Variants in PPP3CC observed in about 807,000 individuals in gnomAD.
PPP3CC encodes serine/threonine-protein phosphatase 2B catalytic subunit gamma isoform.
In PPP3CC, 35 loss-of-function variants were observed where a neutral mutation model predicts 60.3. That is an observed-to-expected ratio of 0.58 (90% CI 0.44 to 0.77). PPP3CC has a LOEUF of 0.77. Ranked by LOEUF, PPP3CC falls within the 30% of genes least tolerant of loss-of-function variation. The probability of loss-of-function intolerance (pLI) is 0.00; values close to 1 mark genes in which losing one functional copy is unlikely to be tolerated. For synonymous variants in PPP3CC, 206 were observed against 224.3 expected, an observed-to-expected ratio of 0.92 and a Z score of 0.73; for missense variants, 570 against 628.9, an observed-to-expected ratio of 0.91 and a Z score of 1.00.
intron 12 of PPP3CC, among the ~76,000 whole-genome samples, chr8:22,536,818 C>A (rs1470875138): frequency 6.6e-6 from 1 of 152,226 alleles, no homozygotes; most frequent in Non-Finnish European, 1.5e-5. Context: ...TTTCAACCAA[C>A]AGTATCCCAT....
intron 12 of PPP3CC, among the ~76,000 whole-genome samples, chr8:22,536,489 C>T (rs1839847348): frequency 6.6e-6 from 1 of 152,210 alleles, no homozygotes; most frequent in East Asian, 1.9e-4. Flanking sequence ...AATTATATAG[C>T]TATGTTATTT....
chr8:22,468,537 G>GT lies in PPP3CC; in HGVS notation c.50-6407dup, dbSNP rs948319791. ...TTCATTTAGGAAAGAAGATTCATGA[G>GT]TTTTTTTTTTAATCAGCTGGCAAAT... On this transcript the variant is annotated intron_variant, in intron 1 of 13. Transcript: ENST00000240139. Among the ~76,000 whole-genome samples the GT allele has an allele frequency of 4.4e-3, 655 of 148,876 alleles. 2 individuals carry two copies. Among genetic ancestry groups the GT allele is most frequent in the African/African-American group, 0.015 (609 of 40,702 alleles).
In PPP3CC at chr8:22,511,303, G is replaced by T. The variant is rs559752332; in HGVS notation, c.630+72G>T. The T allele has an allele frequency of 2.4e-5, 36 of 1,473,674 alleles. No homozygotes were observed. In the Admixed American group the frequency reaches 6.6e-4, roughly 27 times the overall value. The allele number at this position is 1,473,674 out of a possible 1,614,324, so 91.3% of individuals were successfully genotyped here. A position where few individuals can be genotyped will look rare whatever the true frequency, so the allele number is the denominator to read the frequency against. ...TTGGGTTTTTTTGTTGTTGTTGTTT[G>T]CTTTGAGACAGAGTCTCTCTCTTTC... On this transcript the variant is annotated intron_variant, in intron 5 of 13. Coordinates refer to ENST00000240139, the MANE Select transcript of PPP3CC (RefSeq NM_005605.5).
chr8:22,481,971 T>C (rs978475467), intron 3 of PPP3CC, among the ~76,000 whole-genome samples: 7 of 152,232 alleles, frequency 4.6e-5, no homozygotes, highest in African/African-American at 1.7e-4. Flanking sequence ...TCTTTACTAT[T>C]GTGAATAGTG....
intron 9 of PPP3CC, 117 bp downstream of exon 9, chr8:22,527,634 GA>G (rs1272721760): frequency 8.3e-7 from 1 of 1,208,906 alleles, no homozygotes; most frequent in Non-Finnish European, 1.1e-6. Flanking sequence ...TCTCTACATA[GA>G]TTTTTTTTTT....
intron 13 of PPP3CC, among the ~76,000 whole-genome samples, chr8:22,539,729 C>A (rs1185157591): frequency 6.6e-6 from 1 of 152,140 alleles, no homozygotes; most frequent in African/African-American, 2.4e-5. Context: ...TGGGCTCTAT[C>A]AGCTTTAATG....
chr8:22,489,207 A>G (rs1393071743), intron 3 of PPP3CC, among the ~76,000 whole-genome samples: 2 of 152,152 alleles, frequency 1.3e-5, no homozygotes, highest in Non-Finnish European at 2.9e-5. Context: ...TAGATTAGGC[A>G]TACTGAGAAA....
intron 3 of PPP3CC, among the ~76,000 whole-genome samples, chr8:22,486,317 C>T (rs778120610): frequency 9.2e-5 from 14 of 152,042 alleles, no homozygotes; most frequent in Admixed American, 4.6e-4. Context: ...GCCCTTATCC[C>T]AGCCCCAGGG....
intron 3 of PPP3CC, among the ~76,000 whole-genome samples, chr8:22,478,828 T>C (rs1197259851): frequency 6.6e-6 from 1 of 152,238 alleles, no homozygotes; most frequent in Non-Finnish European, 1.5e-5. Flanking sequence ...GCACAGTGCC[T>C]AACACATAGT....
intron 10 of PPP3CC, among the ~76,000 whole-genome samples, chr8:22,529,224 G>A (rs1839639366): frequency 6.6e-6 from 1 of 152,148 alleles, no homozygotes; most frequent in East Asian, 1.9e-4. Context: ...TTGAATATCT[G>A]TGTCAATTAG....
intron 3 of PPP3CC, among the ~76,000 whole-genome samples, chr8:22,476,418 G>A (rs1837888938): frequency 6.6e-6 from 1 of 152,172 alleles, no homozygotes; most frequent in African/African-American, 2.4e-5. Context: ...GCTGTCTATA[G>A]TCCTGCCTGC....
chr8:22,441,286 G>A lies in PPP3CC; in HGVS notation c.-124G>A, dbSNP rs935458381. 1 of 940,838 alleles carries A rather than the reference G, an allele frequency of 1.1e-6. No individual in the cohort carries two copies. The highest frequency in any genetic ancestry group is 1.8e-5 in the African/African-American group (1 of 56,350). The allele number at this position is 940,838 out of a possible 1,614,324, so 58.3% of individuals were successfully genotyped here. On this transcript the variant is annotated 5_prime_UTR_variant, in exon 1 of 14. Transcript: ENST00000240139. ...TCTGGTGCTCGGACACCGCTGAGGA[G>A]CCGGGGCCGGGCACGGCTGGCTGAC...
intron 1 of PPP3CC, among the ~76,000 whole-genome samples, chr8:22,451,772 A>G (rs1010346762): frequency 6.6e-6 from 1 of 152,248 alleles, no homozygotes; most frequent in Non-Finnish European, 1.5e-5. Flanking sequence ...TATTTTGTGC[A>G]CAAAATTATT....
chr8:22,515,193 A>G (rs1839211292), intron 6 of PPP3CC, among the ~76,000 whole-genome samples: 1 of 152,022 alleles, frequency 6.6e-6, no homozygotes, highest in South Asian at 2.1e-4. Flanking sequence ...TTTAATTTTT[A>G]GCTCCTACAA....
chr8:22,441,178 C>T lies in PPP3CC; in HGVS notation c.-232C>T. The T allele has an allele frequency of 2.5e-6, 1 of 401,362 alleles. No individual in the cohort carries two copies. 24.9% of individuals were successfully genotyped at this position (401,362 alleles called of 1,614,324 possible). On this transcript the variant is annotated 5_prime_UTR_variant, in exon 1 of 14. Transcript: ENST00000240139. The stretch of plus-strand genomic sequence containing the variant: ...CCGAAGCGGTGTTCCCCGCCTTAGC[C>T]GCTGGCGCCTCCCAAGAGAGCGGCC...
intron 1 of PPP3CC, among the ~76,000 whole-genome samples, chr8:22,456,143 C>G (rs115778885): frequency 0.019 from 2,926 of 152,252 alleles, 55 homozygotes; most frequent in East Asian, 0.085. Flanking sequence ...ATCCTAGTGT[C>G]CCATGAGGAT....
At chr8:22,532,430 G>A (rs904159336) in intron 11 of PPP3CC, 124 bp downstream of exon 11, 1 of 760,508 alleles carries the variant, frequency 1.3e-6, no homozygotes, top group Non-Finnish European at 2.2e-6. Flanking sequence ...TAGGTTGAGT[G>A]CAAATTCAAT....
chr8:22,472,364 A>ACACACACACACACACACACG (rs1837752256), intron 1 of PPP3CC, among the ~76,000 whole-genome samples: 1 of 21,914 alleles, frequency 4.6e-5, no homozygotes, highest in African/African-American at 6.8e-4. Context: ...GTAAAAATGA[A>ACACACACACACACACACACG]CACACACACA....
In PPP3CC at chr8:22,532,254, A is replaced by G. The variant is rs776450965; in HGVS notation, c.1171A>G (p.Arg391Gly). 5.6e-6 allele frequency: 9 copies of G among 1,613,158 alleles called. No homozygotes were observed. The highest frequency in any genetic ancestry group is 1.3e-5 in the African/African-American group (1 of 75,038). ...CACTACAGTTCGTAAGGAGATCATC[A>G]GGAATAAGATCAGAGCCATTGGGAA... ...GSTTVRKEIIRNKIRAIGKMA... is the reference protein window; with the variant it reads ...GSTTVRKEIIGNKIRAIGKMA... Residue 391 changes from arginine to glycine, a missense_variant, in exon 11 of 14, where the codon AGG becomes GGG. Physicochemically the swap from Arg to Gly is moderately radical, Grantham distance 125 (BLOSUM62 -2). Transcript: ENST00000240139.
Sources: gnomAD v4.1 joint callset for allele counts (sites outside exome capture counted in the v4.1 genomes callset) on GRCh38, gnomAD v4.1.1 for gene constraint, MANE v1.5 for transcripts, NCBI Gene and HGNC (gene_info 2026-07-23, HGNC 2026-07-21) for gene names.